SMYD3: variants seen among roughly 807,000 people sequenced by gnomAD.
SMYD3 encodes the protein SET and MYND domain containing 3, also known as histone-lysine N-methyltransferase SMYD3.
Under a neutral mutation model 57.7 loss-of-function variants are expected in SMYD3, and 36 were observed. The ratio of observed to expected loss-of-function variants is 0.62; its 90% CI spans 0.48 to 0.82. The LOEUF is 0.82. Ranked by LOEUF, SMYD3 falls within the 40% of genes least tolerant of loss-of-function variation. SMYD3 has a pLI of 0.00. For synonymous variants in SMYD3, 211 were observed against 195.0 expected (o/e 1.08, Z -0.68); for missense variants, 515 against 538.8 (o/e 0.96, Z 0.44).
At chr1:246,161,115 C>A (rs1422487502) in intron 5 of SMYD3, among the ~76,000 whole-genome samples, 2 of 152,110 alleles carry the variant, frequency 1.3e-5, no homozygotes, top group African/African-American at 4.8e-5. Context: ...GCAGCACCAC[C>A]CCGCTCCACC....
chr1:246,170,343 C>A (rs984182574), intron 5 of SMYD3, among the ~76,000 whole-genome samples: 1 of 151,340 alleles, frequency 6.6e-6, no homozygotes, highest in African/African-American at 2.4e-5. Context: ...ACTAAATATG[C>A]CTCATGGTTG....
chr1:245,779,271 T>A (rs1326782549), intron 10 of SMYD3, among the ~76,000 whole-genome samples: 1 of 150,500 alleles, frequency 6.6e-6, no homozygotes, highest in African/African-American at 2.4e-5. Context: ...CCAAAATATA[T>A]CAAGAACTCA....
At chr1:246,286,861 TA>T (rs541841257) in intron 5 of SMYD3, among the ~76,000 whole-genome samples, 2 of 150,974 alleles carry the variant, frequency 1.3e-5, no homozygotes, top group Admixed American at 1.3e-4. Context: ...CAAGATATAA[TA>T]AAAAAATCTT....
intron 5 of SMYD3, among the ~76,000 whole-genome samples, chr1:246,178,615 C>T (rs1402574160): frequency 6.6e-6 from 1 of 151,980 alleles, no homozygotes; most frequent in Non-Finnish European, 1.5e-5. Flanking sequence ...ACAGGCACAC[C>T]CACTCCATCT....
chr1:245,825,474 C>T (rs1401922828), intron 10 of SMYD3, among the ~76,000 whole-genome samples: 1 of 152,156 alleles, frequency 6.6e-6, no homozygotes, highest in Non-Finnish European at 1.5e-5. Flanking sequence ...GCTTCTCTGT[C>T]TTCAGGCTGG....
intron 2 of SMYD3, among the ~76,000 whole-genome samples, chr1:246,349,306 A>G (rs2148695790): frequency 6.6e-6 from 1 of 152,330 alleles, no homozygotes; most frequent in East Asian, 1.9e-4. Context: ...AATAAATGAC[A>G]TAAGAGAGGG....
intron 1 of SMYD3, among the ~76,000 whole-genome samples, chr1:246,372,820 A>G (rs12066843): frequency 0.017 from 2,571 of 152,334 alleles, 69 homozygotes; most frequent in East Asian, 0.09. Context: ...AAAGGGAGTT[A>G]GAATGTATAA....
chr1:246,327,914 C>T (rs554733216), intron 4 of SMYD3, among the ~76,000 whole-genome samples: 2 of 152,288 alleles, frequency 1.3e-5, no homozygotes, highest in African/African-American at 4.8e-5. Flanking sequence ...GATAAAGGAG[C>T]CTGGCGCCGT....
rs557708587 is a variant in SMYD3, at chr1:245,780,255, C to T, written c.1077-16106G>A. Among the ~76,000 whole-genome samples the T allele has an allele frequency of 9.9e-5, 15 of 152,144 alleles. No individual in the cohort carries two copies. In the South Asian group the frequency reaches 3.1e-3, roughly 32 times the overall value. ...TTTATAGCAGTGCTATTCATAATGG[C>T]CCAGAAATGGAAACAATCCAAATGC... is the stretch of plus-strand genomic sequence containing the variant. On this transcript the variant is annotated intron_variant, in intron 10 of 11. Transcript: ENST00000490107.
At chr1:245,774,846 G>A (rs2046497722) in intron 10 of SMYD3, among the ~76,000 whole-genome samples, 1 of 152,132 alleles carries the variant, frequency 6.6e-6, no homozygotes, top group African/African-American at 2.4e-5. Context: ...GATTGCAGGG[G>A]TGCACCGCCA....
rs556761054 is a variant in SMYD3 at position 246,158,387 on chromosome 1, G to T, written c.531+168814C>A. 5.0e-4 allele frequency among the ~76,000 whole-genome samples: 76 copies of T among 152,250 alleles called. 1 individual carries two copies. Among genetic ancestry groups the T allele is most frequent in the African/African-American group, 1.8e-3 (74 of 41,548 alleles). ...ACAAAGTCATTGAGATATATGTGAT[G>T]GAGAATTTTCTACTGAGACAAAATG... On this transcript the variant is annotated intron_variant, in intron 5 of 11. Coordinates refer to ENST00000490107, the MANE Select transcript of SMYD3 (RefSeq NM_001167740.2).
intron 10 of SMYD3, among the ~76,000 whole-genome samples, chr1:245,794,617 T>C (rs979956889): frequency 6.6e-6 from 1 of 152,264 alleles, no homozygotes; most frequent in Non-Finnish European, 1.5e-5. Context: ...TTCGTTCTAC[T>C]CTTTCTTAAA....
chr1:245,872,585 C>T (rs1232615731), intron 8 of SMYD3, among the ~76,000 whole-genome samples: 1 of 152,222 alleles, frequency 6.6e-6, no homozygotes, highest in African/African-American at 2.4e-5. Context: ...TGAGCCCAAT[C>T]CAAACAAAAA....
chr1:245,759,968 C>A (rs2045775171), intron 11 of SMYD3, among the ~76,000 whole-genome samples: 1 of 152,102 alleles, frequency 6.6e-6, no homozygotes, highest in Admixed American at 6.5e-5. Flanking sequence ...TAGTAGCAAA[C>A]AAAAGCCTTC....
At chr1:246,187,190 G>C (rs1033631967) in intron 5 of SMYD3, among the ~76,000 whole-genome samples, 9 of 152,032 alleles carry the variant, frequency 5.9e-5, no homozygotes, top group African/African-American at 1.9e-4. Context: ...TCGGGAGGCT[G>C]AGGCAGGAGA....
At chr1:246,344,135 A>T (rs911226851) in intron 2 of SMYD3, among the ~76,000 whole-genome samples, 12 of 152,030 alleles carry the variant, frequency 7.9e-5, no homozygotes, top group African/African-American at 2.7e-4. Context: ...CTCCCACCTT[A>T]GCCTCCCAAA....
At chr1:246,247,136 T>C (rs1185389985) in intron 5 of SMYD3, among the ~76,000 whole-genome samples, 1 of 152,034 alleles carries the variant, frequency 6.6e-6, no homozygotes, top group African/African-American at 2.4e-5. Context: ...GTCAGCTGTG[T>C]TGTATGACTC....
At chr1:245,803,142 G>A (rs966500630) in intron 10 of SMYD3, among the ~76,000 whole-genome samples, 5 of 152,122 alleles carry the variant, frequency 3.3e-5, no homozygotes, top group African/African-American at 9.7e-5. Context: ...GTGAAATTCC[G>A]GAATGGCGTG....
At chr1:246,167,115 CTTCA>C (rs1250274184) in intron 5 of SMYD3, among the ~76,000 whole-genome samples, 40 of 152,328 alleles carry the variant, frequency 2.6e-4, no homozygotes, top group African/African-American at 9.4e-4. Context: ...TGTATGGGTA[CTTCA>C]TTCATTTGAT....
Sources: gnomAD v4.1 joint callset for allele counts (sites outside exome capture counted in the v4.1 genomes callset) on GRCh38, gnomAD v4.1.1 for gene constraint, MANE v1.5 for transcripts, NCBI Gene and HGNC (gene_info 2026-07-23, HGNC 2026-07-21) for gene names.